Variants in ODAD2 observed in about 807,000 individuals in gnomAD.
The protein encoded by ODAD2 is outer dynein arm docking complex subunit 2.
A neutral mutation model predicts 106.8 loss-of-function variants in ODAD2; 89 were observed. The ratio of observed to expected loss-of-function variants is 0.83; its 90% CI spans 0.70 to 0.99. The LOEUF (loss-of-function observed/expected upper bound fraction) is 0.99. Ranked by LOEUF, ODAD2 falls within the 50% of genes least tolerant of loss-of-function variation. ODAD2 has a pLI of 0.00. For missense variants in ODAD2, 1,168 were observed against 1,238.5 expected (o/e 0.94, Z 0.85); for synonymous variants, 404 against 436.2 (o/e 0.93, Z 0.92).
intron 16 of ODAD2, among the ~76,000 whole-genome samples, chr10:27,914,443 T>C (rs1844224228): frequency 6.6e-6 from 1 of 152,156 alleles, no homozygotes; most frequent in African/African-American, 2.4e-5. Flanking sequence ...CTAAAATAAT[T>C]ATTTTATTGG....
intron 17 of ODAD2, among the ~76,000 whole-genome samples, chr10:27,869,979 T>G (rs778819700): frequency 6.6e-6 from 1 of 152,044 alleles, no homozygotes; most frequent in Non-Finnish European, 1.5e-5. Flanking sequence ...TGAGTCAAAA[T>G]GACCTTCAAA....
intron 17 of ODAD2, among the ~76,000 whole-genome samples, chr10:27,903,125 G>A (rs1843329235): frequency 6.6e-6 from 1 of 152,096 alleles, no homozygotes; most frequent in Non-Finnish European, 1.5e-5. Flanking sequence ...TTCATCCCTG[G>A]GATGCAAGGC....
chr10:27,888,493 C>A (rs1477466793), intron 17 of ODAD2, among the ~76,000 whole-genome samples: 1 of 151,966 alleles, frequency 6.6e-6, no homozygotes, highest in African/African-American at 2.4e-5. Flanking sequence ...TATTCATGTT[C>A]TTTGCCCTCT....
chr10:27,869,828 C>G (rs1391799468), intron 17 of ODAD2, among the ~76,000 whole-genome samples: 1 of 152,120 alleles, frequency 6.6e-6, no homozygotes, highest in African/African-American at 2.4e-5. Flanking sequence ...AGCCACCATG[C>G]CTGGCCGACC....
chr10:27,934,446 TC>T (rs1444170883), intron 16 of ODAD2, among the ~76,000 whole-genome samples: 4 of 149,496 alleles, frequency 2.7e-5, no homozygotes, highest in African/African-American at 4.9e-5. Context: ...TGAATATATA[TC>T]TTTATATAGA....
intron 17 of ODAD2, among the ~76,000 whole-genome samples, chr10:27,867,285 C>T (rs146592560): frequency 2.0e-5 from 3 of 152,244 alleles, no homozygotes; most frequent in African/African-American, 7.2e-5. Flanking sequence ...GCAGAAGCAG[C>T]TGCGAATGGA....
intron 7 of ODAD2, among the ~76,000 whole-genome samples, chr10:27,976,267 A>C (rs534879680): frequency 1.3e-5 from 2 of 152,270 alleles, no homozygotes; most frequent in South Asian, 4.1e-4. Flanking sequence ...AGAAATAAAA[A>C]AACTGTTGAG....
intron 7 of ODAD2, among the ~76,000 whole-genome samples, chr10:27,979,158 C>A (rs1371523358): frequency 6.8e-6 from 1 of 146,778 alleles, no homozygotes; most frequent in African/African-American, 2.5e-5. Flanking sequence ...AAGGTTGCAG[C>A]GAGCCAAGAT....
intron 7 of ODAD2, among the ~76,000 whole-genome samples, chr10:27,977,887 T>C (rs4749291): frequency 0.2 from 30,334 of 152,120 alleles, 3,499 homozygotes; most frequent in Middle Eastern, 0.29. Flanking sequence ...CAGTTAATGA[T>C]GAGTATGTGG....
intron 19 of ODAD2, among the ~76,000 whole-genome samples, chr10:27,821,333 A>G (rs1316373257): frequency 6.6e-6 from 1 of 152,154 alleles, no homozygotes; most frequent in Non-Finnish European, 1.5e-5. Context: ...GCTTTGTTAT[A>G]CACCCAGAGG....
chr10:27,842,211 T>C (rs1040198392), intron 19 of ODAD2, among the ~76,000 whole-genome samples: 5 of 152,238 alleles, frequency 3.3e-5, no homozygotes, highest in Admixed American at 3.3e-4. Context: ...TACATGTTTT[T>C]GACCCGTCTC....
rs141870558 is a variant in ODAD2 at position 27,854,692 on chromosome 10, G to T, written c.3021+5933C>A. Among the ~76,000 whole-genome samples, 119 of 152,210 alleles carry T rather than the reference G, an allele frequency of 7.8e-4. No homozygotes were observed. The East Asian group carries it at 0.019, about 25-fold the overall frequency. On this transcript the variant is annotated intron_variant, in intron 19 of 19. Coordinates refer to ENST00000305242, the MANE Select transcript of ODAD2 (RefSeq NM_018076.5). ...AATTGCTTGAGCCAAGGAGGTAGAG[G>T]TTGCAGTGAGCCCAGATCGCGCCAC...
chr10:27,984,108 T>C (rs139294349), intron 5 of ODAD2, 76 bp downstream of exon 5: 1 of 1,486,726 alleles, frequency 6.7e-7, no homozygotes, highest in Non-Finnish European at 9.3e-7. Context: ...TCTTGTAATG[T>C]AGACATTGAA....
At chr10:27,966,979 TC>T (rs1160485979) in intron 9 of ODAD2, among the ~76,000 whole-genome samples, 2 of 148,102 alleles carry the variant, frequency 1.4e-5, no homozygotes, top group East Asian at 2.0e-4. Flanking sequence ...CCCTGGGTTT[TC>T]TTTTTGTCTC....
chr10:27,952,031 T>G (rs1847363916), intron 10 of ODAD2, among the ~76,000 whole-genome samples: 1 of 128,516 alleles, frequency 7.8e-6, no homozygotes, highest in Non-Finnish European at 1.6e-5. Context: ...GCCAAGATCG[T>G]GAAACTGTAC....
intron 17 of ODAD2, among the ~76,000 whole-genome samples, chr10:27,882,228 A>AGAAAGAAAGAAAGAAAGAAG (rs879434149): frequency 2.0e-5 from 3 of 151,160 alleles, no homozygotes; most frequent in African/African-American, 7.3e-5. Flanking sequence ...AAAGAAAGAA[A>AGAAAGAAAGAAAGAAAGAAG]GAAAGAAATA....
At chr10:27,952,378 C>T (rs913284320) in intron 10 of ODAD2, among the ~76,000 whole-genome samples, 1 of 151,654 alleles carries the variant, frequency 6.6e-6, no homozygotes. Flanking sequence ...CCTATATTGA[C>T]AACTTTTTTT....
intron 10 of ODAD2, among the ~76,000 whole-genome samples, chr10:27,955,113 T>C (rs575613448): frequency 6.6e-6 from 1 of 152,350 alleles, no homozygotes; most frequent in East Asian, 1.9e-4. Flanking sequence ...CTCAGGAACA[T>C]GGTACTCATT....
At chr10:27,914,071 A>C (rs988621524) in intron 16 of ODAD2, among the ~76,000 whole-genome samples, 6 of 152,160 alleles carry the variant, frequency 3.9e-5, no homozygotes, top group Non-Finnish European at 8.8e-5. Context: ...GCAAAGACAT[A>C]AAATCAACCT....
Sources: gnomAD v4.1 joint callset for allele counts (sites outside exome capture counted in the v4.1 genomes callset) on GRCh38, gnomAD v4.1.1 for gene constraint, MANE v1.5 for transcripts, NCBI Gene and HGNC (gene_info 2026-07-23, HGNC 2026-07-21) for gene names.